The following GALNT13 variants were observed in gnomAD, a reference collection of about 807,000 sequenced individuals.
The protein encoded by GALNT13 is polypeptide N-acetylgalactosaminyltransferase 13.
Under a neutral mutation model 64.2 loss-of-function variants are expected in GALNT13, and 28 were observed. The ratio of observed to expected loss-of-function variants is 0.44; its 90% confidence interval spans 0.32 to 0.60. The LOEUF (loss-of-function observed/expected upper bound fraction) is 0.60, where lower values mean the gene tolerates loss of function less well. Among genes scored for constraint, GALNT13 ranks in the 20% least tolerant of loss-of-function variants. The pLI is 0.05. For missense variants in GALNT13, 577 were observed against 669.8 expected, an observed-to-expected ratio of 0.86 and a Z score of 1.53; for synonymous variants, 214 against 224.6, an observed-to-expected ratio of 0.95 and a Z score of 0.42.
chr2:154,081,935 T>C (rs2105416155), intron 3 of GALNT13, among the ~76,000 whole-genome samples: 1 of 151,834 alleles, frequency 6.6e-6, no homozygotes, highest in East Asian at 1.9e-4. Flanking sequence ...CAATAGATTC[T>C]TCAAATATCT....
At chr2:153,720,485 G>A in the GALNT13 span, among the ~76,000 whole-genome samples, 10 of 150,104 alleles carry the variant, frequency 6.7e-5, no homozygotes, top group East Asian at 3.9e-4. Context: ...AGCTGAGAGA[G>A]GAAGGCTTCA....
At chr2:153,348,344 G>A in the GALNT13 span, among the ~76,000 whole-genome samples, 1 of 152,116 alleles carries the variant, frequency 6.6e-6, no homozygotes, top group Non-Finnish European at 1.5e-5. Context: ...GGTCACAAAG[G>A]GAGATGCAGG....
the GALNT13 span, among the ~76,000 whole-genome samples, chr2:153,082,573 T>TG: frequency 2.5e-5 from 1 of 40,558 alleles, no homozygotes; most frequent in African/African-American, 1.1e-4. Flanking sequence ...TTAGGCTGGT[T>TG]TATATATATA....
At chr2:153,962,608 T>G (rs1375208369) in intron 3 of GALNT13, among the ~76,000 whole-genome samples, 3 of 152,234 alleles carry the variant, frequency 2.0e-5, no homozygotes, top group Non-Finnish European at 4.4e-5. Flanking sequence ...AGCCAATAAG[T>G]AAAACTCCAT....
the GALNT13 span, among the ~76,000 whole-genome samples, chr2:153,147,704 G>A: frequency 6.6e-6 from 1 of 151,728 alleles, no homozygotes; most frequent in African/African-American, 2.4e-5. Context: ...AAAGACAATG[G>A]ATTTATAGGG....
the GALNT13 span, among the ~76,000 whole-genome samples, chr2:153,281,307 G>A: frequency 7.8e-6 from 1 of 128,476 alleles, no homozygotes; most frequent in African/African-American, 3.0e-5. Flanking sequence ...GATAGCAGGT[G>A]AATGAGCCTT....
At chr2:154,362,973 T>A (rs799819) in intron 9 of GALNT13, among the ~76,000 whole-genome samples, 49,765 of 151,624 alleles carry the variant, frequency 0.33, 8,382 homozygotes, top group South Asian at 0.39. Flanking sequence ...AGTTACCAAA[T>A]TCCTTACACA....
At chr2:153,192,142 T>G in the GALNT13 span, among the ~76,000 whole-genome samples, 1 of 151,996 alleles carries the variant, frequency 6.6e-6, no homozygotes, top group Non-Finnish European at 1.5e-5. Context: ...GGTTGTTTAT[T>G]TGACATCTTT....
chr2:153,427,833 T>TAGTTTTTTA, the GALNT13 span, among the ~76,000 whole-genome samples: 1 of 152,196 alleles, frequency 6.6e-6, no homozygotes, highest in Non-Finnish European at 1.5e-5. Flanking sequence ...ACATATTATA[T>TAGTTTTTTA]AGTTTTTTAT....
chr2:153,602,854 G>A, the GALNT13 span, among the ~76,000 whole-genome samples: 8 of 151,744 alleles, frequency 5.3e-5, no homozygotes, highest in African/African-American at 1.7e-4. Context: ...AAAAAAGTAA[G>A]CTGTAAAGAT....
the GALNT13 span, among the ~76,000 whole-genome samples, chr2:153,313,840 G>A: frequency 2.0e-5 from 3 of 152,180 alleles, no homozygotes; most frequent in Admixed American, 2.0e-4. Context: ...GTACTTGAAA[G>A]ATATAAACTT....
At chr2:153,700,911 T>C in the GALNT13 span, among the ~76,000 whole-genome samples, 1 of 152,084 alleles carries the variant, frequency 6.6e-6, no homozygotes, top group Non-Finnish European at 1.5e-5. Flanking sequence ...AAAATAACCA[T>C]ACTACCCAAA....
chr2:153,694,339 T>A, the GALNT13 span, among the ~76,000 whole-genome samples: 2 of 152,172 alleles, frequency 1.3e-5, no homozygotes, highest in African/African-American at 4.8e-5. Flanking sequence ...TCTCTCAAAC[T>A]ACATGTATTA....
intron 3 of GALNT13, among the ~76,000 whole-genome samples, chr2:154,088,927 T>C (rs149951099): frequency 6.5e-4 from 99 of 152,264 alleles, no homozygotes; most frequent in African/African-American, 2.2e-3. Context: ...TCAGGCTCCT[T>C]TGCAGATAGT....
chr2:153,693,920 C>A, the GALNT13 span, among the ~76,000 whole-genome samples: 1 of 151,964 alleles, frequency 6.6e-6, no homozygotes, highest in Non-Finnish European at 1.5e-5. Context: ...CAAGACCATC[C>A]TGGTGAAACC....
chr2:154,106,838 T>C (rs1702644225), intron 3 of GALNT13, among the ~76,000 whole-genome samples: 1 of 152,152 alleles, frequency 6.6e-6, no homozygotes, highest in South Asian at 2.1e-4. Context: ...CTAGTTAACA[T>C]ATTACTCTGG....
chr2:153,819,506 C>G, the GALNT13 span, among the ~76,000 whole-genome samples: 1 of 152,186 alleles, frequency 6.6e-6, no homozygotes, highest in Non-Finnish European at 1.5e-5. Flanking sequence ...CTTGTCAGGG[C>G]TGGTACCTGC....
At chr2:153,709,778 T>C in the GALNT13 span, among the ~76,000 whole-genome samples, 9 of 151,928 alleles carry the variant, frequency 5.9e-5, no homozygotes, top group South Asian at 6.2e-4. Context: ...AAATGTGGTA[T>C]ATATATATAT....
chr2:154,253,480 A>G (rs1690199561), intron 7 of GALNT13, among the ~76,000 whole-genome samples: 1 of 152,182 alleles, frequency 6.6e-6, no homozygotes, highest in African/African-American at 2.4e-5. Context: ...CATAGTTACA[A>G]AGCTTCATAT....
Sources: allele counts gnomAD v4.1 joint callset (sites outside exome capture counted in the v4.1 genomes callset), GRCh38; gene constraint gnomAD v4.1.1; transcripts MANE v1.5; gene names NCBI Gene and HGNC (gene_info 2026-07-23, HGNC 2026-07-21).